ZNF577: variants seen among roughly 807,000 people sequenced by gnomAD.
ZNF577 encodes the protein zinc finger protein 577.
A neutral mutation model predicts 13.9 loss-of-function variants in ZNF577; 14 were observed. The observed-to-expected ratio is 1.00, with a 90% CI of 0.66 to 1.57. The LOEUF (loss-of-function observed/expected upper bound fraction) is 1.57, where lower values mean the gene tolerates loss of function less well. Among genes scored for constraint, ZNF577 ranks in the 40% most tolerant of loss-of-function variants. The pLI, the probability that ZNF577 is intolerant of heterozygous loss-of-function variation, is 0.00. For synonymous variants in ZNF577, 203 were observed against 202.9 expected (o/e 1.00, Z 0.00); for missense variants, 555 against 579.2 (o/e 0.96, Z 0.43).
At chr19:51,816,984 T>C (rs1191663572) in intron 9 of ZNF577, among the ~76,000 whole-genome samples, 1 of 152,172 alleles carries the variant, frequency 6.6e-6, no homozygotes, top group Non-Finnish European at 1.5e-5. Context: ...TTTGTTTCAT[T>C]TCCCTGAATC....
Position 51,824,595 on chromosome 19 carries a change from C to T in ZNF577, c.*600-12921G>A. The T allele has an allele frequency of 1.2e-6, 2 of 1,614,178 alleles. No homozygotes were observed. The highest frequency in any genetic ancestry group is 8.5e-7 in the Non-Finnish European group (1 of 1,180,018). On this transcript the variant is annotated intron_variant and NMD_transcript_variant, in intron 9 of 10. Coordinates refer to the ZNF577 transcript ENST00000638827. This position sits in a 1 kb window ranked among gnomAD's most constrained non-coding sequence, Gnocchi z 4.7. ...TGGCAAATACAAAATCATTCTTGTC[C>T]TGATTAACCCAACAAGCTCCTTGGC...
At chr19:51,864,700 C>A (rs1279031319), downstream of ZNF577, among the ~76,000 whole-genome samples, 1 of 152,134 alleles carries the variant, frequency 6.6e-6, no homozygotes, top group Non-Finnish European at 1.5e-5. Context: ...GATCTCCAAG[C>A]AATTCCCAGG....
chr19:51,812,805 T>C lies in ZNF577; in HGVS notation c.*600-1131A>G, dbSNP rs527887182. On this transcript the variant is annotated intron_variant and NMD_transcript_variant, in intron 9 of 10. Transcript: ENST00000638827. ...ATTCAAGGTACTATAACAAAATTTA[T>C]TATGCTGGATAATTTGTAAACAACA... Among the ~76,000 whole-genome samples the C allele has an allele frequency of 9.7e-4, 147 of 152,308 alleles. 1 individual carries two copies. Among genetic ancestry groups the C allele is most frequent in the Middle Eastern group, 6.8e-3 (2 of 294 alleles).
intron 9 of ZNF577, among the ~76,000 whole-genome samples, chr19:51,817,308 CAAA>C (rs1309917485): frequency 1.3e-5 from 2 of 151,866 alleles, no homozygotes; most frequent in Admixed American, 1.3e-4. Context: ...CAAACAAAAC[CAAA>C]ATAGAGTCAC....
rs1292933128 is a variant in ZNF577, at chr19:51,868,549, C to T, written c.*3983G>A. 6.6e-6 allele frequency among the ~76,000 whole-genome samples: 1 copy of T among 152,076 alleles called. No homozygotes were observed. Among genetic ancestry groups the T allele is most frequent in the African/African-American group, 2.4e-5 (1 of 41,392 alleles). ...CTGGGTCTGACCCACCAAAGACTGC[C>T]CCAGCCAAAGCAGAACTGCCAGATG... On this transcript the variant is annotated 3_prime_UTR_variant, in exon 6 of 6. Coordinates refer to ENST00000638348, the MANE Select transcript of ZNF577 (RefSeq NM_001370449.1).
chr19:51,829,218 C>A (rs1323887918), intron 9 of ZNF577, among the ~76,000 whole-genome samples: 1 of 152,104 alleles, frequency 6.6e-6, no homozygotes, highest in Non-Finnish European at 1.5e-5. Context: ...GGGGACTGGG[C>A]AGCTCACAGA....
chr19:51,832,159 C>T (rs151271304), intron 9 of ZNF577, among the ~76,000 whole-genome samples: 20 of 152,142 alleles, frequency 1.3e-4, no homozygotes, highest in African/African-American at 4.1e-4. Flanking sequence ...GCAGCCTCCA[C>T]ATTCATCTGT....
intron 9 of ZNF577, among the ~76,000 whole-genome samples, chr19:51,838,519 C>T (rs2084300939): frequency 6.8e-6 from 1 of 147,936 alleles, no homozygotes; most frequent in Non-Finnish European, 1.5e-5. Flanking sequence ...TAGCCATTCT[C>T]CCTGGTATAA....
At chr19:51,826,774 A>C (rs959757667) in intron 9 of ZNF577, among the ~76,000 whole-genome samples, 8 of 152,072 alleles carry the variant, frequency 5.3e-5, no homozygotes, top group African/African-American at 1.9e-4. Flanking sequence ...TGGGCAGGAG[A>C]CTAGGGAATG....
intron 9 of ZNF577, among the ~76,000 whole-genome samples, chr19:51,829,974 A>G (rs1258543039): frequency 1.3e-5 from 2 of 152,158 alleles, no homozygotes; most frequent in Non-Finnish European, 2.9e-5. Flanking sequence ...ACAATTTGTA[A>G]AGTCAAAACA....
intron 1 of ZNF577, among the ~76,000 whole-genome samples, chr19:51,882,651 G>A (rs1414432656): frequency 6.6e-6 from 1 of 152,028 alleles, no homozygotes; most frequent in South Asian, 2.1e-4. Context: ...AGGCATGGTG[G>A]TGCATGCATG....
chr19:51,809,240 A>C (rs1457978759), intron 10 of ZNF577, among the ~76,000 whole-genome samples: 1 of 152,248 alleles, frequency 6.6e-6, no homozygotes, highest in Non-Finnish European at 1.5e-5. Context: ...ATGACTGTCC[A>C]TCTGGACCAA....
chr19:51,806,211 T>G (rs972268921), intron 10 of ZNF577, among the ~76,000 whole-genome samples: 2 of 152,172 alleles, frequency 1.3e-5, no homozygotes, highest in East Asian at 3.9e-4. Context: ...CCGGAGGGAC[T>G]GGGCCCATGG....
At chr19:51,825,675 G>A (rs1174088355) in intron 9 of ZNF577, 1 of 167,066 alleles carries the variant, frequency 6.0e-6, no homozygotes, top group African/African-American at 2.4e-5. Context: ...TTTAACCTTG[G>A]TCACATTGAG....
intron 5 of ZNF577, among the ~76,000 whole-genome samples, chr19:51,856,653 AAGAG>A (rs1321203628): frequency 1.3e-5 from 2 of 152,232 alleles, no homozygotes; most frequent in Non-Finnish European, 2.9e-5. Context: ...TTCTCTGAAG[AAGAG>A]ACACTGTTGT....
chr19:51,838,536 TAAA>T (rs1035250835), intron 9 of ZNF577, among the ~76,000 whole-genome samples: 1 of 148,324 alleles, frequency 6.7e-6, no homozygotes, highest in African/African-American at 2.4e-5. Flanking sequence ...ATAAGAGGGT[TAAA>T]AAAAGAAACT....
At chr19:51,877,561 C>A in intron 4 of ZNF577, 184 bp from the exon 5 acceptor site, 3 of 497,844 alleles carry the variant, frequency 6.0e-6, no homozygotes, top group East Asian at 6.6e-5. Flanking sequence ...CACACCCATA[C>A]CCATTAGGAT....
At chr19:51,852,138 C>G (rs917832998) in intron 5 of ZNF577, among the ~76,000 whole-genome samples, 1 of 152,326 alleles carries the variant, frequency 6.6e-6, no homozygotes, top group South Asian at 2.1e-4. Context: ...GAAACTGGAA[C>G]GACCAGGAGT....
intron 5 of ZNF577, among the ~76,000 whole-genome samples, chr19:51,852,884 G>A (rs747727130): frequency 1.3e-5 from 2 of 151,898 alleles, no homozygotes; most frequent in Non-Finnish European, 2.9e-5. Context: ...TCTTTACATG[G>A]CTAGCTGTCA....
Sources: allele counts gnomAD v4.1 joint callset (sites outside exome capture counted in the v4.1 genomes callset), GRCh38; gene constraint gnomAD v4.1.1; non-coding constraint Gnocchi (gnomAD v3.1); transcripts MANE v1.5; gene names NCBI Gene and HGNC (gene_info 2026-07-23, HGNC 2026-07-21).